The following UBE2D2 variants were observed in gnomAD, a reference collection of about 807,000 sequenced individuals.
The protein encoded by UBE2D2 is ubiquitin conjugating enzyme E2 D2.
A neutral mutation model predicts 24.2 loss-of-function variants in UBE2D2; 2 were observed. The ratio of observed to expected loss-of-function variants is 0.08; its 90% CI spans 0.03 to 0.26. The LOEUF (loss-of-function observed/expected upper bound fraction) is 0.26, where lower values mean the gene tolerates loss of function less well. Among genes scored for constraint, UBE2D2 ranks in the 10% least tolerant of loss-of-function variants. UBE2D2 has a pLI of 1.00. For missense variants in UBE2D2, 44 were observed against 177.6 expected, an observed-to-expected ratio of 0.25 and a Z score of 4.28; for synonymous variants, 58 against 56.5, an observed-to-expected ratio of 1.03 and a Z score of -0.12.
chr5:139,562,030 G>C, intron 1 of UBE2D2: 1 of 836,158 alleles, frequency 1.2e-6, no homozygotes, highest in Non-Finnish European at 1.7e-6. Context: ...CGCGGCCTCA[G>C]CGTTCCTCCC....
chr5:139,575,933 G>A (rs978827685), intron 1 of UBE2D2, among the ~76,000 whole-genome samples: 39 of 152,134 alleles, frequency 2.6e-4, no homozygotes, highest in African/African-American at 8.0e-4. Flanking sequence ...TGGAAGAGGA[G>A]GATCTCTTGA....
chr5:139,609,715 G>A (rs1343034370), intron 2 of UBE2D2, among the ~76,000 whole-genome samples: 1 of 148,756 alleles, frequency 6.7e-6, no homozygotes, highest in East Asian at 2.0e-4. Flanking sequence ...ATTTTATTAA[G>A]TGCTTTCTTT....
chr5:139,582,180 T>C (rs909958620), intron 1 of UBE2D2, among the ~76,000 whole-genome samples: 1 of 152,032 alleles, frequency 6.6e-6, no homozygotes, highest in Non-Finnish European at 1.5e-5. Flanking sequence ...GGCCTCACTA[T>C]GTTGTCTAGG....
chr5:139,562,284 A>G (rs955685710), intron 1 of UBE2D2: 7 of 1,354,866 alleles, frequency 5.2e-6, no homozygotes, highest in Non-Finnish European at 6.8e-6. Context: ...TGACAGAGGA[A>G]GCCGTTTTGC....
intron 2 of UBE2D2, among the ~76,000 whole-genome samples, chr5:139,609,009 C>T (rs1469636210): frequency 6.6e-6 from 1 of 152,016 alleles, no homozygotes; most frequent in Non-Finnish European, 1.5e-5. Flanking sequence ...ATTGCCTGAA[C>T]CTGGGAGGCG....
intron 2 of UBE2D2, among the ~76,000 whole-genome samples, chr5:139,606,978 G>A (rs966773477): frequency 1.3e-5 from 2 of 151,966 alleles, no homozygotes; most frequent in African/African-American, 4.8e-5. Flanking sequence ...CTAATTTTTT[G>A]TATTTTTAGT....
In UBE2D2 at chr5:139,590,703, G is replaced by A. The variant is rs186267576; in HGVS notation, c.25-9669G>A. Among the ~76,000 whole-genome samples, 13 of 150,424 alleles carry A rather than the reference G, an allele frequency of 8.6e-5. No homozygotes were observed. In the East Asian group the frequency reaches 2.3e-3, roughly 27 times the overall value. On this transcript the variant is annotated intron_variant, in intron 1 of 6. Transcript: ENST00000398733. ...AGTTCTGGGAGGGTACACAGGGGAC[G>A]TAGATCCTAAGATAGTATGGCGATG... is the stretch of plus-strand genomic sequence containing the variant.
At chr5:139,610,645 A>G (rs996354097) in intron 2 of UBE2D2, among the ~76,000 whole-genome samples, 3 of 151,200 alleles carry the variant, frequency 2.0e-5, no homozygotes, top group African/African-American at 7.3e-5. Context: ...GGCTGAGGTG[A>G]GGGGATTGCT....
At chr5:139,536,539 A>G (rs532621583) in intron 1 of UBE2D2, among the ~76,000 whole-genome samples, 2 of 151,978 alleles carry the variant, frequency 1.3e-5, no homozygotes, top group East Asian at 3.9e-4. Flanking sequence ...AATTTTTTGT[A>G]TTTTAGTAGA....
intron 1 of UBE2D2, among the ~76,000 whole-genome samples, chr5:139,545,319 C>T (rs1258423260): frequency 1.3e-5 from 2 of 151,402 alleles, no homozygotes; most frequent in Non-Finnish European, 2.9e-5. Flanking sequence ...CCTCCTGCCT[C>T]GGCCTCTAGA....
intron 2 of UBE2D2, among the ~76,000 whole-genome samples, chr5:139,607,143 G>T (rs1754217212): frequency 6.6e-6 from 1 of 152,178 alleles, no homozygotes; most frequent in Admixed American, 6.6e-5. Flanking sequence ...TGTGAGGCAG[G>T]TTTGGTATTC....
intron 2 of UBE2D2, among the ~76,000 whole-genome samples, chr5:139,605,591 CA>C (rs70988710): frequency 0.28 from 12,581 of 45,452 alleles, 238 homozygotes; most frequent in African/African-American, 0.39. Flanking sequence ...GACTCTGTCT[CA>C]AAAAAAAAAA....
chr5:139,607,498 AT>A (rs369271243), intron 2 of UBE2D2, among the ~76,000 whole-genome samples: 3 of 152,124 alleles, frequency 2.0e-5, no homozygotes, highest in African/African-American at 4.8e-5. Flanking sequence ...GTTTTTGCTC[AT>A]TTTTTTGATG....
At chr5:139,625,283 T>G (rs1020025781) in intron 6 of UBE2D2, among the ~76,000 whole-genome samples, 4 of 132,828 alleles carry the variant, frequency 3.0e-5, no homozygotes, top group Non-Finnish European at 6.7e-5. Context: ...TTTGTTTTTT[T>G]TTTTTTTTTT....
intron 1 of UBE2D2, among the ~76,000 whole-genome samples, chr5:139,592,481 A>G (rs1231832212): frequency 6.6e-6 from 1 of 151,892 alleles, no homozygotes; most frequent in Non-Finnish European, 1.5e-5. Flanking sequence ...GTTGTGGGGT[A>G]GAGCCTGTGA....
At chr5:139,598,259 A>G (rs189798716) in intron 1 of UBE2D2, among the ~76,000 whole-genome samples, 9 of 152,276 alleles carry the variant, frequency 5.9e-5, no homozygotes, top group Admixed American at 5.2e-4. Flanking sequence ...ACAGGATGAA[A>G]CGACATAAGA....
chr5:139,601,180 G>A (rs1754064988), intron 2 of UBE2D2, among the ~76,000 whole-genome samples: 1 of 152,172 alleles, frequency 6.6e-6, no homozygotes, highest in African/African-American at 2.4e-5. Flanking sequence ...GCATACATTA[G>A]ATGATAATTT....
intron 1 of UBE2D2, among the ~76,000 whole-genome samples, chr5:139,568,605 G>A (rs1398668459): frequency 6.6e-6 from 1 of 151,994 alleles, no homozygotes; most frequent in East Asian, 1.9e-4. Context: ...TGCAGTAAGT[G>A]GAGATCGCGC....
intron 1 of UBE2D2, among the ~76,000 whole-genome samples, chr5:139,539,438 G>C (rs976335806): frequency 6.6e-6 from 1 of 152,150 alleles, no homozygotes; most frequent in Admixed American, 6.6e-5. Context: ...TAGGGAGATA[G>C]GGGTGTATGT....
Sources: allele counts gnomAD v4.1 joint callset (sites outside exome capture counted in the v4.1 genomes callset), GRCh38; gene constraint gnomAD v4.1.1; transcripts MANE v1.5; gene names NCBI Gene and HGNC (gene_info 2026-07-23, HGNC 2026-07-21).